The following ZNF644 variants were observed in gnomAD, a reference collection of about 807,000 sequenced individuals.
The protein encoded by ZNF644 is zinc finger motif enhancer binding protein 2.
Under a neutral mutation model 108.0 loss-of-function variants are expected in ZNF644, and 20 were observed. That is an observed-to-expected ratio of 0.19 (90% confidence interval 0.13 to 0.27). ZNF644 has a LOEUF of 0.27. Among genes scored for constraint, ZNF644 ranks in the 10% least tolerant of loss-of-function variants. The pLI, the probability that ZNF644 is intolerant of heterozygous loss-of-function variation, is 1.00. For synonymous variants in ZNF644, 542 were observed against 539.1 expected, an observed-to-expected ratio of 1.01 and a Z score of -0.08; for missense variants, 1,338 against 1,548.9, an observed-to-expected ratio of 0.86 and a Z score of 2.29.
intron 1 of ZNF644, among the ~76,000 whole-genome samples, chr1:91,008,499 TAAGC>T (rs1307678909): frequency 7.9e-5 from 12 of 152,178 alleles, no homozygotes; most frequent in Non-Finnish European, 1.8e-4. Flanking sequence ...AGCAACTACT[TAAGC>T]AAGCAATTCA....
intron 2 of ZNF644, among the ~76,000 whole-genome samples, chr1:90,949,851 T>C (rs1677572): frequency 0.14 from 20,631 of 152,218 alleles, 1,441 homozygotes; most frequent in South Asian, 0.16. Flanking sequence ...TGTATGTTAC[T>C]GATTTTTAGT....
At chr1:90,970,599 T>A (rs141929570) in intron 2 of ZNF644, among the ~76,000 whole-genome samples, 4 of 152,262 alleles carry the variant, frequency 2.6e-5, no homozygotes, top group African/African-American at 9.6e-5. Flanking sequence ...ACTCTGGCAA[T>A]GGTGTGTGTG....
At chr1:90,958,232 TAAAAAAAAAAAAAA>T (rs777224217) in intron 2 of ZNF644, among the ~76,000 whole-genome samples, 5 of 41,400 alleles carry the variant, frequency 1.2e-4, no homozygotes, top group Non-Finnish European at 1.9e-4. Context: ...GCAAAACTCC[TAAAAAAAAAAAAAA>T]AAAAAAAAAA....
intron 1 of ZNF644, among the ~76,000 whole-genome samples, chr1:91,013,881 T>C (rs532446116): frequency 9.2e-5 from 14 of 152,338 alleles, no homozygotes; most frequent in African/African-American, 3.4e-4. Context: ...TAATAGTATT[T>C]AGATACTGGG....
At chr1:90,956,890 A>G (rs1653806811) in intron 2 of ZNF644, among the ~76,000 whole-genome samples, 1 of 152,178 alleles carries the variant, frequency 6.6e-6, no homozygotes, top group Admixed American at 6.5e-5. Flanking sequence ...AAAAAGATCA[A>G]CAAGATTGAC....
chr1:90,930,481 T>TG (rs1199647314), intron 4 of ZNF644, among the ~76,000 whole-genome samples: 4 of 152,218 alleles, frequency 2.6e-5, no homozygotes, highest in Non-Finnish European at 1.5e-5. Flanking sequence ...AAAATTCACC[T>TG]GCTGCCACAG....
chr1:90,956,336 A>C (rs1653753748), intron 2 of ZNF644, among the ~76,000 whole-genome samples: 1 of 152,232 alleles, frequency 6.6e-6, no homozygotes, highest in Admixed American at 6.5e-5. Flanking sequence ...TGCTTGATGC[A>C]GGGTTGCTGC....
At chr1:90,948,771 T>C (rs1194675670) in intron 2 of ZNF644, among the ~76,000 whole-genome samples, 1 of 152,218 alleles carries the variant, frequency 6.6e-6, no homozygotes, top group Non-Finnish European at 1.5e-5. Context: ...TGGGAAAAGT[T>C]GACCAACAGA....
chr1:90,956,785 A>C (rs534184697), intron 2 of ZNF644, among the ~76,000 whole-genome samples: 1 of 152,266 alleles, frequency 6.6e-6, no homozygotes, highest in South Asian at 2.1e-4. Flanking sequence ...CCAGGAGTTC[A>C]AATCCAGCCT....
chr1:90,962,487 C>T (rs1654432790), intron 2 of ZNF644, among the ~76,000 whole-genome samples: 1 of 151,860 alleles, frequency 6.6e-6, no homozygotes, highest in Non-Finnish European at 1.5e-5. Flanking sequence ...ACACATTATA[C>T]AAAAATCAGT....
intron 2 of ZNF644, among the ~76,000 whole-genome samples, chr1:90,968,390 C>T (rs1655139261): frequency 6.6e-6 from 1 of 152,092 alleles, no homozygotes; most frequent in Non-Finnish European, 1.5e-5. Context: ...AGCTAATTTG[C>T]TTTTAAACTG....
rs990531667 is a variant in ZNF644, at chr1:90,938,231, C to G, written c.3082+41G>C. 11 of 1,613,658 alleles carry G rather than the reference C, an allele frequency of 6.8e-6. No individual in the cohort carries two copies. The African/African-American group carries it at 1.3e-4, about 20-fold the overall frequency. On this transcript the variant is annotated intron_variant, in intron 3 of 5. Coordinates refer to ENST00000337393, the MANE Select transcript of ZNF644 (RefSeq NM_201269.3). The surrounding 1 kb of genome is among the most constrained non-coding windows in gnomAD (Gnocchi z 4.2). ...AACTTTTAAATCTTCAGAATTAGAA[C>G]ACAGACCTATCAGCCCAAATCATCC...
chr1:90,928,643 T>G (rs2100847318), intron 4 of ZNF644, among the ~76,000 whole-genome samples: 1 of 152,182 alleles, frequency 6.6e-6, no homozygotes, highest in African/African-American at 2.4e-5. Flanking sequence ...TAAAACATCC[T>G]TTAATGACTT....
chr1:91,001,859 T>G (rs1451227998), intron 1 of ZNF644, among the ~76,000 whole-genome samples: 3 of 152,180 alleles, frequency 2.0e-5, no homozygotes, highest in African/African-American at 2.4e-5. Flanking sequence ...AAAATCAATG[T>G]GCAAAAATCA....
chr1:90,950,673 T>A (rs946459949), intron 2 of ZNF644, among the ~76,000 whole-genome samples: 1 of 151,874 alleles, frequency 6.6e-6, no homozygotes, highest in Non-Finnish European at 1.5e-5. Context: ...CTCCCAAAGG[T>A]TAACAAATCA....
chr1:90,948,272 A>G (rs1652724473), intron 2 of ZNF644, among the ~76,000 whole-genome samples: 1 of 152,250 alleles, frequency 6.6e-6, no homozygotes, highest in Non-Finnish European at 1.5e-5. Flanking sequence ...TTAAAAGCTA[A>G]GAATGTTCAA....
At chr1:90,972,972 T>G (rs1655645692) in intron 2 of ZNF644, 1 of 152,168 alleles carries the variant, frequency 6.6e-6, no homozygotes, top group Admixed American at 6.6e-5. Flanking sequence ...GAATTGTTGT[T>G]TAATGGGTAC....
intron 1 of ZNF644, among the ~76,000 whole-genome samples, chr1:90,983,949 A>C (rs1027342338): frequency 6.6e-6 from 1 of 152,108 alleles, no homozygotes; most frequent in Admixed American, 6.5e-5. Context: ...AAGAAGAAGA[A>C]GACATGGCAG....
intron 1 of ZNF644, among the ~76,000 whole-genome samples, chr1:91,009,919 C>T (rs1199622326): frequency 6.6e-6 from 1 of 152,126 alleles, no homozygotes; most frequent in Non-Finnish European, 1.5e-5. Context: ...TGAGGAGCCA[C>T]AATATTTGAT....
Sources: allele counts gnomAD v4.1 joint callset (sites outside exome capture counted in the v4.1 genomes callset), GRCh38; gene constraint gnomAD v4.1.1; non-coding constraint Gnocchi (gnomAD v3.1); transcripts MANE v1.5; gene names NCBI Gene and HGNC (gene_info 2026-07-23, HGNC 2026-07-21).